Variants in AFF2 observed in about 807,000 individuals in gnomAD.
AFF2 encodes AF4/FMR2 family member 2.
Under a neutral mutation model 76.9 loss-of-function variants are expected in AFF2, and 14 were observed. The observed-to-expected ratio is 0.18, with a 90% CI of 0.12 to 0.28. AFF2 has a LOEUF of 0.28. AFF2 is among the 10% of genes least tolerant of loss of function. The pLI is 1.00. For missense variants in AFF2, 868 were observed against 1,001.1 expected, an observed-to-expected ratio of 0.87 and a Z score of 1.79; for synonymous variants, 398 against 366.7, an observed-to-expected ratio of 1.09 and a Z score of -0.98.
At chrX:148,572,511 A>G (rs1255052636) in intron 1 of AFF2, among the ~76,000 whole-genome samples, 2 of 111,991 alleles carry the variant, frequency 1.8e-5, no homozygotes, top group East Asian at 5.6e-4. Flanking sequence ...TGACTCAAAT[A>G]TCCATCGACT....
At chrX:148,847,759 A>G (rs1245327818) in intron 7 of AFF2, among the ~76,000 whole-genome samples, 1 of 111,653 alleles carries the variant, frequency 9.0e-6, no homozygotes, top group Non-Finnish European at 1.9e-5. Flanking sequence ...GGAATGACAG[A>G]CACAAATAAT....
At chrX:148,735,008 C>G (rs1436836483) in intron 3 of AFF2, among the ~76,000 whole-genome samples, 1 of 111,939 alleles carries the variant, frequency 8.9e-6, no homozygotes, top group African/African-American at 3.2e-5. Context: ...GTGCCTATAG[C>G]TATAAATTAG....
chrX:148,718,678 A>G (rs182658013), intron 3 of AFF2, among the ~76,000 whole-genome samples: 69 of 111,570 alleles, frequency 6.2e-4, no homozygotes, highest in African/African-American at 2.1e-3. Flanking sequence ...CTCTCCTTCT[A>G]TGTGTGTTTG....
chrX:148,903,578 T>C (rs1352050674), intron 8 of AFF2, among the ~76,000 whole-genome samples: 2 of 112,178 alleles, frequency 1.8e-5, no homozygotes, highest in Non-Finnish European at 3.8e-5. Flanking sequence ...TCTAAGGCAA[T>C]GCAGGCCGAG....
intron 1 of AFF2, among the ~76,000 whole-genome samples, chrX:148,598,724 G>A (rs782535855): frequency 8.9e-6 from 1 of 112,402 alleles, no homozygotes; most frequent in Non-Finnish European, 1.9e-5. Context: ...TCTAATGGTT[G>A]ACAAACATAC....
chrX:148,832,710 C>T (rs1321342871), intron 4 of AFF2, among the ~76,000 whole-genome samples: 9 of 112,035 alleles, frequency 8.0e-5, no homozygotes, highest in African/African-American at 1.6e-4. Context: ...CAGAGATGAA[C>T]GGTATTGCTA....
At chrX:148,542,498 C>G (rs1404437635) in intron 1 of AFF2, among the ~76,000 whole-genome samples, 1 of 110,676 alleles carries the variant, frequency 9.0e-6, no homozygotes, top group Non-Finnish European at 1.9e-5. Context: ...TTGTTGCTAC[C>G]TATTGCAAGG....
chrX:148,767,890 A>T (rs1557267867), intron 3 of AFF2, among the ~76,000 whole-genome samples: 1 of 111,343 alleles, frequency 9.0e-6, no homozygotes, highest in East Asian at 2.8e-4. Context: ...ACTTCTGGGA[A>T]GTACGTCAGG....
intron 3 of AFF2, among the ~76,000 whole-genome samples, chrX:148,710,601 A>G (rs1451157462): frequency 8.9e-6 from 1 of 112,236 alleles, no homozygotes; most frequent in Non-Finnish European, 1.9e-5. Context: ...ATCTATTTCC[A>G]AAATTTTACT....
chrX:148,901,627 T>A (rs2071356298), intron 8 of AFF2, among the ~76,000 whole-genome samples: 1 of 112,234 alleles, frequency 8.9e-6, no homozygotes, highest in Non-Finnish European at 1.9e-5. Flanking sequence ...TCTTCTTATG[T>A]CCCATCATTT....
At chrX:148,653,445 C>T (rs1322881201) in intron 2 of AFF2, among the ~76,000 whole-genome samples, 1 of 111,499 alleles carries the variant, frequency 9.0e-6, no homozygotes, top group East Asian at 2.8e-4. Context: ...TGATGGCATG[C>T]CTGCATGGTA....
At chrX:148,908,536 A>T (rs982272501) in intron 9 of AFF2, among the ~76,000 whole-genome samples, 30 of 111,847 alleles carry the variant, frequency 2.7e-4, no homozygotes, top group African/African-American at 9.7e-4. Context: ...ATGTTCCTCC[A>T]TTGCTCTGGT....
At chrX:148,825,179 T>G (rs2070373680) in intron 4 of AFF2, among the ~76,000 whole-genome samples, 1 of 111,876 alleles carries the variant, frequency 8.9e-6, no homozygotes, top group South Asian at 3.8e-4. Flanking sequence ...GAGTTTTCCC[T>G]TTTGGAAAAC....
At chrX:148,552,952 A>G (rs2053012375) in intron 1 of AFF2, among the ~76,000 whole-genome samples, 1 of 111,922 alleles carries the variant, frequency 8.9e-6, no homozygotes, top group Non-Finnish European at 1.9e-5. Context: ...AAATCAAAAC[A>G]GTAAGAAATG....
intron 1 of AFF2, among the ~76,000 whole-genome samples, chrX:148,625,613 A>G (rs1175752261): frequency 9.0e-6 from 1 of 111,242 alleles, no homozygotes; most frequent in Non-Finnish European, 1.9e-5. Flanking sequence ...TTCAGATGCC[A>G]GTTACCTTTC....
At chrX:148,824,644 T>A (rs2070366503) in intron 4 of AFF2, among the ~76,000 whole-genome samples, 1 of 112,193 alleles carries the variant, frequency 8.9e-6, no homozygotes, top group South Asian at 3.7e-4. Flanking sequence ...GTGCCTCTCC[T>A]TAGGGATCGG....
intron 20 of AFF2, among the ~76,000 whole-genome samples, chrX:148,989,849 T>C (rs2072515357): frequency 1.8e-5 from 2 of 112,130 alleles, no homozygotes; most frequent in Admixed American, 9.4e-5. Flanking sequence ...ATGGCACTTA[T>C]GCTGCCCTCT....
chrX:148,774,907 A>G (rs1369580880), intron 3 of AFF2, among the ~76,000 whole-genome samples: 2 of 112,199 alleles, frequency 1.8e-5, no homozygotes, highest in African/African-American at 6.5e-5. Context: ...AGTGATTAAA[A>G]TGAGTGAGGT....
intron 3 of AFF2, among the ~76,000 whole-genome samples, chrX:148,772,530 CTTTCTTTCTTTCTTTTTTTTTTT>C: frequency 1.5e-5 from 1 of 68,675 alleles, no homozygotes. Flanking sequence ...TCTTTTTTTT[CTTTCTTTCTTTCTTTTTTTTTTT>C]TTTTGACCAG....
Sources: allele counts gnomAD v4.1 joint callset (sites outside exome capture counted in the v4.1 genomes callset), GRCh38; gene constraint gnomAD v4.1.1; transcripts MANE v1.5; gene names NCBI Gene and HGNC (gene_info 2026-07-23, HGNC 2026-07-21).